LMTK2: variants seen among roughly 807,000 people sequenced by gnomAD.
LMTK2 encodes lemur tail kinase 2.
Under a neutral mutation model 127.5 loss-of-function variants are expected in LMTK2, and 37 were observed. The ratio of observed to expected loss-of-function variants is 0.29; its 90% confidence interval spans 0.22 to 0.38. The LOEUF is 0.38. LMTK2 is among the 10% of genes least tolerant of loss of function. The probability of loss-of-function intolerance (pLI) is 1.00; values close to 1 mark genes in which losing one functional copy is unlikely to be tolerated. For synonymous variants in LMTK2, 819 were observed against 810.1 expected (o/e 1.01, Z -0.19); for missense variants, 1,694 against 1,920.3 (o/e 0.88, Z 2.20).
chr7:98,120,516 A>G (rs1272243884), intron 1 of LMTK2, among the ~76,000 whole-genome samples: 1 of 152,204 alleles, frequency 6.6e-6, no homozygotes, highest in Non-Finnish European at 1.5e-5. Flanking sequence ...GCAGCTTTTT[A>G]CTGCAAAACT....
At chr7:98,168,242 G>A (rs1223700568) in intron 6 of LMTK2, among the ~76,000 whole-genome samples, 1 of 152,200 alleles carries the variant, frequency 6.6e-6, no homozygotes, top group Non-Finnish European at 1.5e-5. Context: ...ACTCTCGAGA[G>A]GACTGAGCTT....
intron 5 of LMTK2, 66 bp downstream of exon 5, chr7:98,154,942 AACT>A: frequency 1.1e-6 from 1 of 910,242 alleles, no homozygotes; most frequent in Non-Finnish European, 1.8e-6. Flanking sequence ...AGGTGTTTAA[AACT>A]ACTGTGGGAT....
At position 98,192,165 on chromosome 7, in the gene LMTK2, A is replaced by T. The variant is rs543811103; in HGVS notation, c.1700A>T (p.Tyr567Phe). 6.5e-7 allele frequency: 1 copy of T among 1,528,522 alleles called. No individual in the cohort carries two copies. The highest frequency in any genetic ancestry group is 8.8e-7 in the Non-Finnish European group (1 of 1,140,586). The allele number at this position is 1,528,522 out of a possible 1,614,324, so 94.7% of individuals were successfully genotyped here. The change falls in exon 11 of 14, where the codon TAC (tyrosine) becomes TTC (phenylalanine). Residue 567 changes from tyrosine to phenylalanine, a missense_variant. Tyr to Phe is a conservative substitution (Grantham distance 22, BLOSUM62 3). Around this residue, in one of 8 missense-constraint regions of LMTK2, gnomAD observed 527 missense variants for 539.8 expected, o/e 0.98. Coordinates refer to ENST00000297293, the MANE Select transcript of LMTK2 (RefSeq NM_014916.4). ...EKSGSNLELD[Y>F]PPALLTTDMD... The stretch of plus-strand genomic sequence containing the variant: ...AGTGGTAGTAACTTGGAGCTTGATT[A>T]CCCACCAGCGCTGCTCACAACCGAC...
intron 9 of LMTK2, among the ~76,000 whole-genome samples, chr7:98,188,466 A>T (rs1797473125): frequency 6.6e-6 from 1 of 151,976 alleles, no homozygotes; most frequent in South Asian, 2.1e-4. Flanking sequence ...TTATTATTAT[A>T]TATATTTTTT....
intron 7 of LMTK2, among the ~76,000 whole-genome samples, chr7:98,172,285 C>G (rs1369106477): frequency 1.3e-5 from 2 of 150,494 alleles, no homozygotes; most frequent in African/African-American, 4.9e-5. Context: ...TCAGGCCCCA[C>G]TTGAATGACC....
chr7:98,131,067 T>C (rs1297388801), intron 1 of LMTK2, among the ~76,000 whole-genome samples: 7 of 152,182 alleles, frequency 4.6e-5, no homozygotes, highest in African/African-American at 1.7e-4. Flanking sequence ...AGCCCATCTT[T>C]CTTCATGCTG....
intron 4 of LMTK2, among the ~76,000 whole-genome samples, chr7:98,153,708 A>T (rs1796888653): frequency 6.6e-6 from 1 of 151,412 alleles, no homozygotes; most frequent in South Asian, 2.1e-4. Context: ...CCCCATCTCT[A>T]AAAAAAAATT....
At chr7:98,173,188 G>A (rs114079145) in intron 7 of LMTK2, among the ~76,000 whole-genome samples, 5 of 152,148 alleles carry the variant, frequency 3.3e-5, no homozygotes, top group African/African-American at 7.2e-5. Flanking sequence ...GAAAAGTACC[G>A]TGCCTATCAG....
rs914519583 is a variant in LMTK2 at position 98,128,039 on chromosome 7, G to A, written c.104-9276G>A. On this transcript the variant is annotated intron_variant, in intron 1 of 13. Coordinates refer to ENST00000297293, the MANE Select transcript of LMTK2 (RefSeq NM_014916.4). ...GGTGCCTATAATACCAGCTACTTGG[G>A]AGGCTGAGGCAGGAGAATCGCTTGA... Among the ~76,000 whole-genome samples the A allele has an allele frequency of 2.0e-5, 3 of 152,304 alleles. No homozygotes were observed. The East Asian group carries it at 5.8e-4, about 29-fold the overall frequency.
Position 98,152,394 on chromosome 7 carries a change from TCTC to T in LMTK2, c.450+942_450+944del, listed in dbSNP as rs1584265860. ...CAGTAGTCAGCCATCTGCTGCTGCT[TCTC>T]CTTCCCTTCAGCGTTGTCTGTATCT... On this transcript the variant is annotated intron_variant, in intron 4 of 13. Transcript: ENST00000297293. Among the ~76,000 whole-genome samples, 7 of 152,316 alleles carry T rather than the reference TCTC, an allele frequency of 4.6e-5. No individual in the cohort carries two copies. The East Asian group carries it at 1.4e-3, about 29-fold the overall frequency.
intron 3 of LMTK2, among the ~76,000 whole-genome samples, chr7:98,148,159 C>T (rs1584262961): frequency 6.6e-6 from 1 of 151,330 alleles, no homozygotes; most frequent in Non-Finnish European, 1.5e-5. Flanking sequence ...CACTGTTGCA[C>T]TCCAGCCTGA....
At chr7:98,148,432 G>T (rs943522308) in intron 3 of LMTK2, among the ~76,000 whole-genome samples, 2 of 151,284 alleles carry the variant, frequency 1.3e-5, no homozygotes, top group Non-Finnish European at 2.9e-5. Flanking sequence ...GGCAGAGGTT[G>T]CAGTGAGCCA....
At chr7:98,197,746 G>A (rs1185412297) in intron 11 of LMTK2, among the ~76,000 whole-genome samples, 1 of 152,182 alleles carries the variant, frequency 6.6e-6, no homozygotes, top group Non-Finnish European at 1.5e-5. Context: ...GGAGGCTGAG[G>A]CAGGAGGATC....
At chr7:98,112,869 T>C (rs1398417577) in intron 1 of LMTK2, among the ~76,000 whole-genome samples, 1 of 152,158 alleles carries the variant, frequency 6.6e-6, no homozygotes, top group Admixed American at 6.5e-5. Flanking sequence ...AGAAAGAGAC[T>C]TCAGGGAAAA....
chr7:98,129,678 C>A (rs17169330), intron 1 of LMTK2, among the ~76,000 whole-genome samples: 2,032 of 152,248 alleles, frequency 0.013, 36 homozygotes, highest in East Asian at 0.078. Flanking sequence ...TAAGTTTATT[C>A]TGTGATCCGG....
Position 98,194,891 on chromosome 7 carries a change from T to C in LMTK2, c.4107+319T>C, listed in dbSNP as rs1797603421. Among the ~76,000 whole-genome samples, 1 of 152,190 alleles carries C rather than the reference T, an allele frequency of 6.6e-6. No homozygotes were observed. Among genetic ancestry groups the C allele is most frequent in the African/African-American group, 2.4e-5 (1 of 41,444 alleles). On this transcript the variant is annotated intron_variant, in intron 11 of 13. Transcript: ENST00000297293. The surrounding 1 kb of genome is among the most constrained non-coding windows in gnomAD (Gnocchi z 5.4). ...TTTTATTTTTCTTTTGAGACAGCCTTGCTCTGTGGCCCAGGCTGGAATGCA... is the reference window on the plus strand; with the variant it reads ...TTTTATTTTTCTTTTGAGACAGCCTCGCTCTGTGGCCCAGGCTGGAATGCA...
chr7:98,132,239 G>T (rs570052638), intron 1 of LMTK2, among the ~76,000 whole-genome samples: 1 of 152,116 alleles, frequency 6.6e-6, no homozygotes, highest in South Asian at 2.1e-4. Context: ...CACTGCCAGA[G>T]GATGCTAGTG....
chr7:98,112,440 G>A (rs763350965), intron 1 of LMTK2, among the ~76,000 whole-genome samples: 33 of 152,220 alleles, frequency 2.2e-4, no homozygotes, highest in Non-Finnish European at 4.1e-4. Context: ...TAGTACAATA[G>A]CCACTAGCTC....
intron 4 of LMTK2, among the ~76,000 whole-genome samples, chr7:98,151,923 C>A (rs574330229): frequency 1.1e-3 from 163 of 152,166 alleles, no homozygotes; most frequent in Non-Finnish European, 1.9e-3. Context: ...CATTAGGTTT[C>A]AGTTTACGGA....
Sources: allele counts gnomAD v4.1 joint callset (sites outside exome capture counted in the v4.1 genomes callset), GRCh38; gene constraint gnomAD v4.1.1; regional missense constraint gnomAD v4.1.1; non-coding constraint Gnocchi (gnomAD v3.1); transcripts MANE v1.5; gene names NCBI Gene and HGNC (gene_info 2026-07-23, HGNC 2026-07-21).